MEI1: variants seen among roughly 807,000 people sequenced by gnomAD.
MEI1 encodes the protein meiotic double-stranded break formation protein 1.
MEI1 carries 103 observed loss-of-function variants against 146.2 expected under a neutral mutation model. That is an observed-to-expected ratio of 0.70 (90% CI 0.60 to 0.83). The LOEUF is 0.83. Among genes scored for constraint, MEI1 ranks in the 40% least tolerant of loss-of-function variants. MEI1 has a pLI of 0.00. For synonymous variants in MEI1, 652 were observed against 628.2 expected, an observed-to-expected ratio of 1.04 and a Z score of -0.57; for missense variants, 1,529 against 1,533.0, an observed-to-expected ratio of 1.00 and a Z score of 0.04.
At position 41,795,918 on chromosome 22, in the gene MEI1, C is replaced by T; in HGVS notation, c.3779+71C>T. On this transcript the variant is annotated intron_variant, in intron 30 of 30. Coordinates refer to ENST00000401548, the MANE Select transcript of MEI1 (RefSeq NM_152513.4). This position sits in a 1 kb window ranked among gnomAD's most constrained non-coding sequence, Gnocchi z 4.2. ...GTGTTTGGGGCTTCTCTTCCTGGGC[C>T]AGTTTATGCGGTACCGGAGTAGCAG... 1 of 1,612,066 alleles carries T rather than the reference C, an allele frequency of 6.2e-7. No individual in the cohort carries two copies. The highest frequency in any genetic ancestry group is 1.1e-5 in the South Asian group (1 of 90,946).
chr22:41,723,908 C>G, intron 6 of MEI1, 35 bp from the exon 7 acceptor site: 1 of 1,565,978 alleles, frequency 6.4e-7, no homozygotes, highest in South Asian at 1.2e-5. Flanking sequence ...GCCTGTGTTC[C>G]TCTTGCCTTA....
intron 15 of MEI1, among the ~76,000 whole-genome samples, chr22:41,751,145 A>T (rs2073721625): frequency 1.3e-5 from 2 of 152,080 alleles, no homozygotes; most frequent in Admixed American, 6.6e-5. Flanking sequence ...GAGGGTGGAG[A>T]AACTCTGGAT....
intron 24 of MEI1, among the ~76,000 whole-genome samples, chr22:41,783,225 G>A (rs1297683472): frequency 2.6e-5 from 4 of 152,046 alleles, no homozygotes; most frequent in Non-Finnish European, 5.9e-5. Context: ...TAGAAAAATG[G>A]TGCAGGTAGT....
At chr22:41,749,256 A>G (rs73161398) in intron 15 of MEI1, among the ~76,000 whole-genome samples, 2,355 of 149,006 alleles carry the variant, frequency 0.016, 47 homozygotes, top group Admixed American at 0.06. Flanking sequence ...CTTGTTGGCC[A>G]TGTGAGGAAT....
chr22:41,704,757 C>G (rs936451145), intron 2 of MEI1, among the ~76,000 whole-genome samples: 1 of 152,036 alleles, frequency 6.6e-6, no homozygotes, highest in African/African-American at 2.4e-5. Flanking sequence ...CTCTGTCACC[C>G]AGACTGGAGT....
chr22:41,721,393 T>C (rs992963721), intron 6 of MEI1, among the ~76,000 whole-genome samples: 1 of 151,300 alleles, frequency 6.6e-6, no homozygotes, highest in African/African-American at 2.4e-5. Flanking sequence ...TACAGGCGCA[T>C]GCCACCACAT....
At position 41,730,522 on chromosome 22, in the gene MEI1, G is replaced by C. The variant is rs371108479; in HGVS notation, c.981G>C (p.Glu327Asp). The change falls in exon 9 of 31, where the codon GAG (glutamate) becomes GAC (aspartate). Residue 327 changes from glutamate to aspartate, a missense_variant and splice_region_variant. Glu to Asp is a conservative substitution (Grantham distance 45). Transcript: ENST00000401548. ...ASAFIHADIP[E>D]FLFEHLSSSS... ...TTTTCTCATCCTCTCCCTTGTTAGAGTTCCTCTTTGAGCATCTTTCTTCTT... is the reference window on the plus strand; with the variant it reads ...TTTTCTCATCCTCTCCCTTGTTAGACTTCCTCTTTGAGCATCTTTCTTCTT... The C allele has an allele frequency of 5.0e-6, 8 of 1,608,446 alleles. No homozygotes were observed. Among genetic ancestry groups the C allele is most frequent in the Non-Finnish European group, 6.8e-6 (8 of 1,174,886 alleles).
At chr22:41,711,424 C>T (rs539145975) in intron 3 of MEI1, among the ~76,000 whole-genome samples, 2 of 152,186 alleles carry the variant, frequency 1.3e-5, no homozygotes, top group Admixed American at 6.5e-5. Context: ...GTTCTGACCC[C>T]CCGGGGGATT....
chr22:41,738,150 AC>A (rs2072543890), intron 11 of MEI1, among the ~76,000 whole-genome samples: 1 of 151,828 alleles, frequency 6.6e-6, no homozygotes, highest in Non-Finnish European at 1.5e-5. Context: ...CCCCATCCCT[AC>A]AAAACAATAT....
In MEI1 at chr22:41,729,742, A is replaced by G. The variant is rs777187865; in HGVS notation, c.942A>G (p.Ala314=). ...CITAVLVHSP[A]KHASAFIHAD... ...CTGCGGTGCTTGTCCACTCCCCAGCAAAGCATGCGTCAGCCTTCATCCACG... is the reference window on the plus strand; with the variant it reads ...CTGCGGTGCTTGTCCACTCCCCAGCGAAGCATGCGTCAGCCTTCATCCACG... The change falls in exon 8 of 31, where the codon GCA becomes GCG. Residue 314 remains alanine (A), a synonymous_variant. Transcript: ENST00000401548. 49 of 1,611,302 alleles carry G rather than the reference A, an allele frequency of 3.0e-5. No individual in the cohort carries two copies. The South Asian group carries it at 5.1e-4, about 17-fold the overall frequency.
intron 3 of MEI1, among the ~76,000 whole-genome samples, chr22:41,713,575 T>C (rs1196128566): frequency 6.6e-6 from 1 of 152,112 alleles, no homozygotes; most frequent in Non-Finnish European, 1.5e-5. Flanking sequence ...GAGACAGAGT[T>C]TTTGCTCTCG....
chr22:41,715,701 AT>A (rs1039997969), intron 4 of MEI1, among the ~76,000 whole-genome samples: 55 of 146,832 alleles, frequency 3.7e-4, no homozygotes, highest in Admixed American at 2.1e-4. Context: ...GCCAACAATA[AT>A]TTTTTTTTTT....
Position 41,718,208 on chromosome 22 carries a change from C to T in MEI1, c.667C>T (p.Leu223Phe). 6.2e-7 allele frequency: 1 copy of T among 1,614,014 alleles called. No homozygotes were observed. The change falls in exon 6 of 31, where the codon CTT becomes TTT. Residue 223 changes from leucine to phenylalanine, a missense_variant. By Grantham distance (22) the Leu-to-Phe change is conservative. Around this residue, in one of 3 missense-constraint regions of MEI1, gnomAD observed 1,212 missense variants for 1,178.9 expected, o/e 1.03. Transcript: ENST00000401548. ...EMLSGHFREK[L>F]FPLFLSILDG... ...GCTTTCAGGACACTTCCGTGAGAAG[C>T]TTTTTCCCCTCTTCCTTTCCATCCT...
intron 11 of MEI1, among the ~76,000 whole-genome samples, chr22:41,733,158 A>G (rs2072018449): frequency 6.6e-6 from 1 of 151,930 alleles, no homozygotes; most frequent in Non-Finnish European, 1.5e-5. Context: ...TCCCTAAACA[A>G]TACAGTATAC....
chr22:41,795,834 C>G lies in MEI1; in HGVS notation c.3766C>G (p.Leu1256Val). 6.2e-7 allele frequency: 1 copy of G among 1,613,658 alleles called. No homozygotes were observed. Among genetic ancestry groups the G allele is most frequent in the Non-Finnish European group, 8.5e-7 (1 of 1,179,732 alleles). ...PPSTSSGQPP[L>V]QDMLCLGGVA... ...TAGCACCTCCTCAGGCCAGCCACCC[C>G]TGCAGGACATGCTGTATCCTTTCTT... The change falls in exon 30 of 31, where the codon CTG becomes GTG. Residue 1256 changes from leucine to valine, a missense_variant. This residue lies in a region of MEI1 where 313 missense variants were observed against 337.3 expected (regional missense o/e 0.93). Transcript: ENST00000401548. The surrounding 1 kb of genome is among the most constrained non-coding windows in gnomAD (Gnocchi z 4.2).
intron 20 of MEI1, among the ~76,000 whole-genome samples, chr22:41,774,003 T>C (rs772016970): frequency 1.8e-4 from 27 of 152,364 alleles, no homozygotes; most frequent in Non-Finnish European, 2.8e-4. Flanking sequence ...TTTGTGTTGA[T>C]ACCAATTTCT....
intron 15 of MEI1, among the ~76,000 whole-genome samples, chr22:41,750,943 G>C (rs1020978362): frequency 6.6e-6 from 1 of 152,088 alleles, no homozygotes; most frequent in African/African-American, 2.4e-5. Flanking sequence ...GTCTTGGGGC[G>C]CTGGATGGGA....
chr22:41,720,716 T>C (rs1474008852), intron 6 of MEI1, among the ~76,000 whole-genome samples: 18 of 140,114 alleles, frequency 1.3e-4, no homozygotes, highest in South Asian at 2.4e-4. Flanking sequence ...CCTGCCTCAG[T>C]CTCCCGAGTA....
intron 21 of MEI1, among the ~76,000 whole-genome samples, chr22:41,777,384 G>A (rs532411296): frequency 1.8e-3 from 271 of 151,882 alleles, no homozygotes; most frequent in African/African-American, 6.3e-3. Flanking sequence ...TCGAACTCCT[G>A]ACCTCAAGTG....
Sources: allele counts gnomAD v4.1 joint callset (sites outside exome capture counted in the v4.1 genomes callset), GRCh38; gene constraint gnomAD v4.1.1; regional missense constraint gnomAD v4.1.1; non-coding constraint Gnocchi (gnomAD v3.1); transcripts MANE v1.5; gene names NCBI Gene and HGNC (gene_info 2026-07-23, HGNC 2026-07-21).